The following PCNX4 variants were observed in gnomAD, a reference collection of about 807,000 sequenced individuals.
The protein encoded by PCNX4 is pecanex-like protein 4.
A neutral mutation model predicts 107.2 loss-of-function variants in PCNX4; 103 were observed. The ratio of observed to expected loss-of-function variants is 0.96; its 90% CI spans 0.82 to 1.13. The LOEUF (loss-of-function observed/expected upper bound fraction) is 1.13, where lower values mean the gene tolerates loss of function less well. Among genes scored for constraint, PCNX4 ranks in the 50% most tolerant of loss-of-function variants. The pLI, the probability that PCNX4 is intolerant of heterozygous loss-of-function variation, is 0.00. For synonymous variants in PCNX4, 541 were observed against 481.7 expected (o/e 1.12, Z -1.61); for missense variants, 1,528 against 1,379.4 (o/e 1.11, Z -1.71).
At chr14:60,129,480 G>A (rs1896115991) in intron 10 of PCNX4, among the ~76,000 whole-genome samples, 1 of 151,272 alleles carries the variant, frequency 6.6e-6, no homozygotes, top group South Asian at 2.1e-4. Context: ...ACTTGAGCCA[G>A]GTGTTCAGGT....
chr14:60,115,772 C>G lies in PCNX4; in HGVS notation c.1411C>G (p.Leu471Val), dbSNP rs763033029. 2.5e-6 allele frequency: 4 copies of G among 1,613,382 alleles called. 1 individual carries two copies. The South Asian group carries it at 3.3e-5, about 13-fold the overall frequency. ...TTCATTGGACAGTTCCTTACAAGGGCTCCACTCAGTGTCTGTCTGTATTGG... is the reference window on the plus strand; with the variant it reads ...TTCATTGGACAGTTCCTTACAAGGGGTCCACTCAGTGTCTGTCTGTATTGG... ...FLSLDSSLQG[L>V]HSVSVCIGFT... Residue 471 changes from leucine to valine, a missense_variant, in exon 5 of 11, where the codon CTC becomes GTC. Transcript: ENST00000406854.
intron 10 of PCNX4, among the ~76,000 whole-genome samples, chr14:60,130,717 G>A (rs1241725294): frequency 1.3e-5 from 2 of 152,144 alleles, no homozygotes; most frequent in Admixed American, 6.5e-5. Flanking sequence ...TAGAGGCAAA[G>A]CTGTACTGGA....
At chr14:60,106,501 C>T (rs576979789) in intron 1 of PCNX4, among the ~76,000 whole-genome samples, 57 of 152,308 alleles carry the variant, frequency 3.7e-4, no homozygotes, top group Non-Finnish European at 7.2e-4. Context: ...GGAGGGCCAG[C>T]TGTACTTGCA....
At chr14:60,110,838 G>A (rs1352729388) in intron 2 of PCNX4, 2 of 167,016 alleles carry the variant, frequency 1.2e-5, no homozygotes, top group South Asian at 2.1e-4. Context: ...GAGGGGCCAG[G>A]GATGGAATGT....
chr14:60,135,616 G>GA lies in PCNX4; in HGVS notation c.*1396dup, dbSNP rs1896229975. On this transcript the variant is annotated 3_prime_UTR_variant, in exon 11 of 11. Transcript: ENST00000406854. The stretch of plus-strand genomic sequence containing the variant: ...CACCCAGGCTGGGGTGCAGTGGCAC[G>GA]ATCTCAGCTCACTGCAACCTCCGCC... The GA allele has an allele frequency of 4.0e-5, 6 of 151,776 alleles. No individual in the cohort carries two copies. The South Asian group carries it at 1.2e-3, about 32-fold the overall frequency. 9.4% of individuals were successfully genotyped at this position (151,776 alleles called of 1,614,324 possible). A position where few individuals can be genotyped will look rare whatever the true frequency, so the allele number is the denominator to read the frequency against.
rs768173068 is a variant in PCNX4, at chr14:60,107,601, A to G, written c.-38A>G. ...TATTTTTTAGAAACTGCTGTGTTAC[A>G]GAAAAGCATGTGACTTTCAGAATAA... is the stretch of plus-strand genomic sequence containing the variant. On this transcript the variant is annotated 5_prime_UTR_variant, in exon 2 of 11. Transcript: ENST00000406854. 10 of 1,522,436 alleles carry G rather than the reference A, an allele frequency of 6.6e-6. No homozygotes were observed. In the East Asian group the frequency reaches 2.0e-4, roughly 31 times the overall value. 94.3% of individuals were successfully genotyped at this position (1,522,436 alleles called of 1,614,324 possible). A position where few individuals can be genotyped will look rare whatever the true frequency, so the allele number is the denominator to read the frequency against.
Position 60,134,150 on chromosome 14 carries a change from G to T in PCNX4, c.3448G>T (p.Val1150Leu), listed in dbSNP as rs766470939. The T allele has an allele frequency of 1.9e-6, 3 of 1,613,568 alleles. No individual in the cohort carries two copies. The highest frequency in any genetic ancestry group is 2.5e-6 in the Non-Finnish European group (3 of 1,179,694). The stretch of plus-strand genomic sequence containing the variant: ...TCCACTACTTTTAAGAAATCTTACG[G>T]TACAAGCAGCAGAACCTCCCCTGGG... ...AHPLLLRNLTVQAAEPPLGYP... is the reference protein window; with the variant it reads ...AHPLLLRNLTLQAAEPPLGYP... The change falls in exon 11 of 11, where the codon GTA becomes TTA. Residue 1150 changes from valine to leucine, a missense_variant. Coordinates refer to ENST00000406854, the MANE Select transcript of PCNX4 (RefSeq NM_001330177.2).
chr14:60,118,092 A>G (rs1430054338), intron 6 of PCNX4, among the ~76,000 whole-genome samples: 2 of 148,706 alleles, frequency 1.3e-5, no homozygotes, highest in Non-Finnish European at 3.0e-5. Context: ...TAGTTAGTAC[A>G]CTGTCAGCTC....
chr14:60,125,747 T>C lies in PCNX4; in HGVS notation c.3191T>C (p.Val1064Ala). The C allele has an allele frequency of 6.2e-7, 1 of 1,611,948 alleles. No homozygotes were observed. The highest frequency in any genetic ancestry group is 2.2e-5 in the East Asian group (1 of 44,694). The change falls in exon 10 of 11, where the codon GTA becomes GCA. Residue 1064 changes from valine to alanine, a missense_variant. Physicochemically the swap from Val to Ala is moderately conservative, Grantham distance 64. Coordinates refer to ENST00000406854, the MANE Select transcript of PCNX4 (RefSeq NM_001330177.2). ...GAACGTGACTGGTACATTGGTTTGG[T>C]ATCTGATGAAAAGTGGAAGGAAGCA... is the stretch of plus-strand genomic sequence containing the variant. ...EYERDWYIGL[V>A]SDEKWKEAIL...
At chr14:60,119,004 C>T (rs1022624029) in intron 7 of PCNX4, among the ~76,000 whole-genome samples, 6 of 152,048 alleles carry the variant, frequency 3.9e-5, no homozygotes, top group African/African-American at 1.5e-4. Flanking sequence ...CACCTTTCCC[C>T]GAAGATTTTC....
chr14:60,097,455 G>GCACCTTCA (rs1895446682), intron 1 of PCNX4, among the ~76,000 whole-genome samples: 2 of 152,214 alleles, frequency 1.3e-5, no homozygotes, highest in African/African-American at 4.8e-5. Flanking sequence ...AGCACCTTCA[G>GCACCTTCA]GGTGGAATAT....
In PCNX4 at chr14:60,103,509, C is replaced by G. The variant is rs546499004; in HGVS notation, c.-53-4077C>G. ...GGATATATGATCCTGTATCTTTCAG[C>G]CTTTTAAAAATAGTTCATTAAAATA... On this transcript the variant is annotated intron_variant, in intron 1 of 10. Transcript: ENST00000406854. Among the ~76,000 whole-genome samples the G allele has an allele frequency of 9.9e-5, 15 of 152,244 alleles. No homozygotes were observed. In the East Asian group the frequency reaches 2.9e-3, roughly 29 times the overall value.
At chr14:60,104,318 C>CAAAAAAA (rs200434027) in intron 1 of PCNX4, among the ~76,000 whole-genome samples, 24 of 129,542 alleles carry the variant, frequency 1.9e-4, no homozygotes, top group African/African-American at 8.5e-4. Context: ...GACTCCATCT[C>CAAAAAAA]AAAAAAAAAA....
intron 8 of PCNX4, among the ~76,000 whole-genome samples, chr14:60,124,001 TA>T (rs1896001307): frequency 6.6e-6 from 1 of 152,124 alleles, no homozygotes; most frequent in Non-Finnish European, 1.5e-5. Context: ...CATAATATTT[TA>T]AAAAATAATA....
chr14:60,094,252 C>A (rs942895087), intron 1 of PCNX4, among the ~76,000 whole-genome samples: 3 of 152,140 alleles, frequency 2.0e-5, no homozygotes, highest in African/African-American at 7.2e-5. Context: ...GCTTAGCCAT[C>A]AAAAGCGTCC....
In PCNX4 at chr14:60,134,270, A is replaced by G. The variant is rs544218609; in HGVS notation, c.*49A>G. On this transcript the variant is annotated 3_prime_UTR_variant, in exon 11 of 11. Coordinates refer to ENST00000406854, the MANE Select transcript of PCNX4 (RefSeq NM_001330177.2). ...TCAAATGCAATGTTTTTATTTTTTC[A>G]TCCTAAAAAAGTAACTGTGATTCTT... 1.9e-6 allele frequency: 3 copies of G among 1,586,144 alleles called. No homozygotes were observed. The highest frequency in any genetic ancestry group is 1.1e-5 in the South Asian group (1 of 88,672).
intron 1 of PCNX4, among the ~76,000 whole-genome samples, chr14:60,095,089 G>T (rs1895397317): frequency 6.6e-6 from 1 of 152,146 alleles, no homozygotes; most frequent in African/African-American, 2.4e-5. Context: ...CAAAGTTAAG[G>T]ACGTGCCCGG....
intron 1 of PCNX4, among the ~76,000 whole-genome samples, chr14:60,093,236 T>C (rs149704950): frequency 5.3e-5 from 8 of 152,350 alleles, no homozygotes; most frequent in African/African-American, 1.9e-4. Flanking sequence ...AGATGTAATT[T>C]ACATTCAATA....
chr14:60,117,460 C>G (rs1171230434), intron 6 of PCNX4, among the ~76,000 whole-genome samples: 2 of 152,120 alleles, frequency 1.3e-5, no homozygotes, highest in African/African-American at 4.8e-5. Context: ...GCTATACCAC[C>G]TAGGTTTGTG....
Sources: gnomAD v4.1 joint callset for allele counts (sites outside exome capture counted in the v4.1 genomes callset) on GRCh38, gnomAD v4.1.1 for gene constraint, MANE v1.5 for transcripts, NCBI Gene and HGNC (gene_info 2026-07-23, HGNC 2026-07-21) for gene names.